The following CCDC175 variants were observed in gnomAD, a reference collection of about 807,000 sequenced individuals.
CCDC175 encodes coiled-coil domain-containing protein 175.
In CCDC175, 100 loss-of-function variants were observed where a neutral mutation model predicts 114.6. That is an observed-to-expected ratio of 0.87 (90% confidence interval 0.74 to 1.03). The LOEUF (loss-of-function observed/expected upper bound fraction) is 1.03. Ranked by LOEUF, CCDC175 falls within the 50% of genes least tolerant of loss-of-function variation. The pLI is 0.00. For synonymous variants in CCDC175, 306 were observed against 308.7 expected, an observed-to-expected ratio of 0.99 and a Z score of 0.09; for missense variants, 880 against 917.8, an observed-to-expected ratio of 0.96 and a Z score of 0.53.
At chr14:59,508,482 G>T (rs1892568121) in intron 19 of CCDC175, among the ~76,000 whole-genome samples, 1 of 138,320 alleles carries the variant, frequency 7.2e-6, no homozygotes, top group Non-Finnish European at 1.5e-5. Flanking sequence ...CTGCTACTTG[G>T]GAGACTGAGG....
intron 16 of CCDC175, among the ~76,000 whole-genome samples, chr14:59,522,766 C>T (rs1331320185): frequency 1.3e-5 from 2 of 152,216 alleles, no homozygotes; most frequent in Non-Finnish European, 2.9e-5. Flanking sequence ...TGTTCTTCAC[C>T]TGGTGTGGCA....
intron 8 of CCDC175, among the ~76,000 whole-genome samples, chr14:59,549,065 C>T (rs935154423): frequency 5.0e-4 from 76 of 152,130 alleles, no homozygotes; most frequent in Admixed American, 4.8e-3. Context: ...AAATTTCCAA[C>T]AGAGTTTGCA....
At chr14:59,537,814 G>GAGT (rs1894497120) in intron 13 of CCDC175, among the ~76,000 whole-genome samples, 1 of 152,052 alleles carries the variant, frequency 6.6e-6, no homozygotes, top group African/African-American at 2.4e-5. Flanking sequence ...TTTGAAGTGT[G>GAGT]ATTATTATTA....
intron 17 of CCDC175, among the ~76,000 whole-genome samples, chr14:59,515,229 C>A (rs1423172360): frequency 6.6e-6 from 1 of 152,160 alleles, no homozygotes; most frequent in African/African-American, 2.4e-5. Context: ...ATTGTAAAGA[C>A]CATTGAGGCT....
At chr14:59,520,506 C>A (rs929920480) in intron 17 of CCDC175, among the ~76,000 whole-genome samples, 6 of 152,114 alleles carry the variant, frequency 3.9e-5, no homozygotes, top group African/African-American at 1.4e-4. Flanking sequence ...TAGGTATTTA[C>A]CCAAGAGAAA....
chr14:59,505,371 G>T, intron 19 of CCDC175, 56 bp from the exon 20 acceptor site: 1 of 907,770 alleles, frequency 1.1e-6, no homozygotes, highest in Non-Finnish European at 1.6e-6. Flanking sequence ...ACATTTGGGG[G>T]GTTATTAGTG....
rs1595093443 is a variant in CCDC175 at position 59,576,715 on chromosome 14, C to T, written c.61G>A (p.Ala21Thr). The stretch of plus-strand genomic sequence containing the variant: ...TCCAGGGAGGGGCCAGTGGAGACGG[C>T]AGCCGCCTGCACCAGCTTCTCGCCA... ...GAGEKLVQAA[A>T]VSTGPSLELC... The change falls in exon 1 of 20, where the codon GCC (alanine) becomes ACC (threonine). Residue 21 changes from alanine (A) to threonine (T), a missense_variant. Physicochemically the swap from Ala to Thr is moderately conservative, Grantham distance 58. Coordinates refer to ENST00000537690, the MANE Select transcript of CCDC175 (RefSeq NM_001164399.2). 5 of 1,477,034 alleles carry T rather than the reference C, an allele frequency of 3.4e-6. No homozygotes were observed. In the Middle Eastern group the frequency reaches 7.0e-4, roughly 206 times the overall value. The allele number at this position is 1,477,034 out of a possible 1,614,324, so 91.5% of individuals were successfully genotyped here. A position where few individuals can be genotyped will look rare whatever the true frequency, so the allele number is the denominator to read the frequency against.
At chr14:59,575,056 C>T (rs575232107) in intron 1 of CCDC175, 28 bp from the exon 2 acceptor site, 1 of 1,257,876 alleles carries the variant, frequency 7.9e-7, no homozygotes, top group African/African-American at 1.5e-5. Context: ...AAATAAAGAT[C>T]TCTTATTTAT....
intron 17 of CCDC175, among the ~76,000 whole-genome samples, chr14:59,520,450 A>G (rs560250521): frequency 1.3e-5 from 2 of 152,340 alleles, no homozygotes; most frequent in South Asian, 2.1e-4. Flanking sequence ...TATTTCCTAT[A>G]AAGTTAATCA....
chr14:59,514,597 G>A (rs895498919), intron 17 of CCDC175, among the ~76,000 whole-genome samples: 16 of 152,152 alleles, frequency 1.1e-4, no homozygotes, highest in Non-Finnish European at 1.6e-4. Context: ...GAAATGAAGC[G>A]AGAAGAGAAG....
At chr14:59,510,606 A>G in intron 19 of CCDC175, 40 bp downstream of exon 19, 1 of 1,526,474 alleles carries the variant, frequency 6.6e-7, no homozygotes, top group Non-Finnish European at 8.8e-7. Context: ...GTAAAATAGC[A>G]GGAAGTCCCA....
chr14:59,538,271 A>G, intron 12 of CCDC175, 117 bp from the exon 13 acceptor site: 1 of 837,510 alleles, frequency 1.2e-6, no homozygotes, highest in Non-Finnish European at 1.8e-6. Context: ...TTCAGTTCAT[A>G]TAATTTCTCA....
At chr14:59,509,293 A>G (rs1262185728) in intron 19 of CCDC175, among the ~76,000 whole-genome samples, 1 of 152,178 alleles carries the variant, frequency 6.6e-6, no homozygotes, top group African/African-American at 2.4e-5. Context: ...ATACAAATAG[A>G]AGCAAGGCCC....
rs1211477708 is a variant in CCDC175, at chr14:59,530,457, A to AGGAGG, written c.1762+1310_1762+1314dup. ...GGAAAGGAAGGGAAGGGGAGGGGAG[A>AGGAGG]GGAGGGGAGGGGAGGGGAGGGAAGG... On this transcript the variant is annotated intron_variant, in intron 14 of 19. Transcript: ENST00000537690. Among the ~76,000 whole-genome samples, 846 of 96,184 alleles carry AGGAGG rather than the reference A, an allele frequency of 8.8e-3. 8 individuals are homozygous for AGGAGG. Among genetic ancestry groups the AGGAGG allele is most frequent in the African/African-American group, 0.031 (780 of 25,086 alleles). The allele number at this position is 96,184 out of a possible 152,430, so 63.1% of individuals were successfully genotyped here.
chr14:59,515,156 C>A lies in CCDC175; in HGVS notation c.2099-3353G>T, dbSNP rs1200215755. On this transcript the variant is annotated intron_variant, in intron 17 of 19. Coordinates refer to ENST00000537690, the MANE Select transcript of CCDC175 (RefSeq NM_001164399.2). Reference sequence around the variant, plus strand: ...CCACCAGGCCTGCCCTACAAGAGCTCCTGAAGGAAGCACTAAACATGGAAA... The same window carrying A: ...CCACCAGGCCTGCCCTACAAGAGCTACTGAAGGAAGCACTAAACATGGAAA... Among the ~76,000 whole-genome samples the A allele has an allele frequency of 2.0e-5, 3 of 152,204 alleles. No individual in the cohort carries two copies. The South Asian group carries it at 6.2e-4, about 32-fold the overall frequency.
intron 1 of CCDC175, among the ~76,000 whole-genome samples, chr14:59,576,011 C>A (rs1350503129): frequency 1.3e-5 from 2 of 152,048 alleles, no homozygotes; most frequent in African/African-American, 4.8e-5. Flanking sequence ...GTTTTTGCAC[C>A]GAACAAGAAA....
chr14:59,557,134 A>G (rs8011340), intron 7 of CCDC175, among the ~76,000 whole-genome samples: 79,714 of 151,982 alleles, frequency 0.52, 21,971 homozygotes, highest in East Asian at 0.82. Flanking sequence ...CCAAAGGATT[A>G]TAAATCATAC....
At chr14:59,552,569 CT>C (rs776647451) in intron 7 of CCDC175, among the ~76,000 whole-genome samples, 1 of 152,306 alleles carries the variant, frequency 6.6e-6, no homozygotes, top group Non-Finnish European at 1.5e-5. Context: ...ACCTCCCCCC[CT>C]CCAAAAGAAC....
chr14:59,529,034 G>T (rs1355716029), intron 14 of CCDC175, among the ~76,000 whole-genome samples: 1 of 152,166 alleles, frequency 6.6e-6, no homozygotes, highest in African/African-American at 2.4e-5. Context: ...GGATGCTTCA[G>T]ATCTTTGTCT....
Sources: allele counts gnomAD v4.1 joint callset (sites outside exome capture counted in the v4.1 genomes callset), GRCh38; gene constraint gnomAD v4.1.1; transcripts MANE v1.5; gene names NCBI Gene and HGNC (gene_info 2026-07-23, HGNC 2026-07-21).